NELL1: variants seen among roughly 807,000 people sequenced by gnomAD.
NELL1 encodes neural EGFL like 1.
Under a neutral mutation model 107.4 loss-of-function variants are expected in NELL1, and 76 were observed. The observed-to-expected ratio is 0.71, with a 90% CI of 0.59 to 0.86. NELL1 has a LOEUF of 0.86. Ranked by LOEUF, NELL1 falls within the 40% of genes least tolerant of loss-of-function variation. The pLI is 0.00. For missense variants in NELL1, 1,024 were observed against 1,005.5 expected, an observed-to-expected ratio of 1.02 and a Z score of -0.25; for synonymous variants, 353 against 341.2, an observed-to-expected ratio of 1.03 and a Z score of -0.38.
chr11:20,752,290 C>G (rs544934019), intron 2 of NELL1, among the ~76,000 whole-genome samples: 89 of 152,242 alleles, frequency 5.8e-4, no homozygotes, highest in African/African-American at 2.0e-3. Context: ...TGGCTCACAC[C>G]TATAATCCCA....
chr11:20,684,685 T>C (rs1231283819), intron 2 of NELL1, among the ~76,000 whole-genome samples: 1 of 152,104 alleles, frequency 6.6e-6, no homozygotes, highest in Non-Finnish European at 1.5e-5. Flanking sequence ...CTTTTGTGTA[T>C]TTTTATAAAT....
At chr11:20,702,639 T>G (rs531668763) in intron 2 of NELL1, among the ~76,000 whole-genome samples, 1 of 152,250 alleles carries the variant, frequency 6.6e-6, no homozygotes, top group African/African-American at 2.4e-5. Context: ...TGATATTGGT[T>G]GTGGGTTTGT....
intron 14 of NELL1, among the ~76,000 whole-genome samples, chr11:21,329,808 A>G (rs758395736): frequency 2.6e-5 from 4 of 152,104 alleles, no homozygotes; most frequent in Non-Finnish European, 5.9e-5. Flanking sequence ...ATGTCAGATT[A>G]ATAGTAATTT....
intron 16 of NELL1, among the ~76,000 whole-genome samples, chr11:21,535,868 C>T (rs757993174): frequency 1.3e-5 from 2 of 152,082 alleles, no homozygotes; most frequent in Non-Finnish European, 2.9e-5. Context: ...TTACATACTG[C>T]CAGGTACTTC....
At chr11:21,373,633 C>T (rs1166765136) in intron 15 of NELL1, among the ~76,000 whole-genome samples, 2 of 152,038 alleles carry the variant, frequency 1.3e-5, no homozygotes, top group Middle Eastern at 3.2e-3. Context: ...AAGAAAATTC[C>T]TGTCTGATGT....
chr11:21,566,707 A>G (rs1365936970), intron 17 of NELL1, among the ~76,000 whole-genome samples: 3 of 150,150 alleles, frequency 2.0e-5, no homozygotes, highest in Non-Finnish European at 4.4e-5. Context: ...ATTACTTATC[A>G]TCAGTGAGCT....
At chr11:21,237,225 G>T (rs759933449) in intron 14 of NELL1, among the ~76,000 whole-genome samples, 7 of 152,124 alleles carry the variant, frequency 4.6e-5, no homozygotes, top group Non-Finnish European at 7.4e-5. Flanking sequence ...GAGACTGTAG[G>T]ATCTGCAATA....
intron 4 of NELL1, among the ~76,000 whole-genome samples, chr11:20,868,400 G>A (rs1247361757): frequency 1.3e-5 from 2 of 152,114 alleles, no homozygotes; most frequent in African/African-American, 4.8e-5. Context: ...TGAATGGAAA[G>A]TTATTGCTTA....
chr11:20,677,099 G>A (rs192956700), intron 1 of NELL1, among the ~76,000 whole-genome samples: 78 of 152,280 alleles, frequency 5.1e-4, no homozygotes, highest in Admixed American at 3.0e-3. Context: ...CTGCATTAAG[G>A]TTCTCTAAAA....
chr11:21,558,480 T>C (rs1214159570), intron 16 of NELL1, among the ~76,000 whole-genome samples: 1 of 151,976 alleles, frequency 6.6e-6, no homozygotes, highest in Non-Finnish European at 1.5e-5. Flanking sequence ...AATACCTTGT[T>C]ATTAACTACA....
intron 14 of NELL1, chr11:21,259,944 A>T (rs1228225886): frequency 2.0e-5 from 3 of 151,916 alleles, no homozygotes; most frequent in Non-Finnish European, 4.4e-5. Flanking sequence ...GTACACTCAA[A>T]ATTACCACCA....
chr11:20,723,237 A>C (rs1172650851), intron 2 of NELL1, among the ~76,000 whole-genome samples: 2 of 152,340 alleles, frequency 1.3e-5, no homozygotes, highest in East Asian at 3.9e-4. Context: ...GTCTTAACTC[A>C]GTCCAGCATT....
chr11:20,954,359 G>T (rs559149840), intron 11 of NELL1, among the ~76,000 whole-genome samples: 1 of 152,140 alleles, frequency 6.6e-6, no homozygotes, highest in African/African-American at 2.4e-5. Flanking sequence ...TCTCCCACTA[G>T]GATCTGTGTC....
chr11:21,044,990 A>G (rs546974139), intron 12 of NELL1, among the ~76,000 whole-genome samples: 16 of 152,176 alleles, frequency 1.1e-4, no homozygotes, highest in Non-Finnish European at 5.9e-5. Context: ...TAGAAAGTTG[A>G]GTTCAAAAAA....
At chr11:21,568,694 A>G (rs1179153367) in intron 17 of NELL1, among the ~76,000 whole-genome samples, 1 of 151,618 alleles carries the variant, frequency 6.6e-6, no homozygotes, top group Non-Finnish European at 1.5e-5. Flanking sequence ...CTAGGTCTCC[A>G]CAGGGTCAGG....
At chr11:21,231,184 A>G (rs1858039969) in intron 14 of NELL1, among the ~76,000 whole-genome samples, 1 of 152,190 alleles carries the variant, frequency 6.6e-6, no homozygotes, top group Non-Finnish European at 1.5e-5. Context: ...ATTCAAGTTC[A>G]GAACAATATA....
At chr11:21,391,251 A>G (rs553291908) in intron 15 of NELL1, among the ~76,000 whole-genome samples, 3 of 151,884 alleles carry the variant, frequency 2.0e-5, no homozygotes, top group South Asian at 2.1e-4. Context: ...TTGTTAATTT[A>G]TATAAACTCT....
At chr11:21,398,794 C>G (rs1852035394) in intron 15 of NELL1, among the ~76,000 whole-genome samples, 1 of 151,650 alleles carries the variant, frequency 6.6e-6, no homozygotes, top group Non-Finnish European at 1.5e-5. Flanking sequence ...TAATATCTTC[C>G]TGATTTAAAA....
chr11:21,108,813 A>C (rs1855034484), intron 12 of NELL1, among the ~76,000 whole-genome samples: 1 of 152,154 alleles, frequency 6.6e-6, no homozygotes, highest in South Asian at 2.1e-4. Flanking sequence ...ACGGAGCAGA[A>C]TTGCCATTTT....
Sources: gnomAD v4.1 joint callset for allele counts (sites outside exome capture counted in the v4.1 genomes callset) on GRCh38, gnomAD v4.1.1 for gene constraint, MANE v1.5 for transcripts, NCBI Gene and HGNC (gene_info 2026-07-23, HGNC 2026-07-21) for gene names.